VSIG10: variants seen among roughly 807,000 people sequenced by gnomAD.
VSIG10 encodes the protein V-set and immunoglobulin domain-containing protein 10.
Under a neutral mutation model 58.7 loss-of-function variants are expected in VSIG10, and 48 were observed. That is an observed-to-expected ratio of 0.82 (90% CI 0.65 to 1.04). VSIG10 has a LOEUF of 1.04. Among genes scored for constraint, VSIG10 ranks in the 50% least tolerant of loss-of-function variants. The pLI is 0.00. For synonymous variants in VSIG10, 260 were observed against 267.1 expected (o/e 0.97, Z 0.26); for missense variants, 628 against 670.0 (o/e 0.94, Z 0.69).
intron 2 of VSIG10, among the ~76,000 whole-genome samples, chr12:118,094,495 T>C (rs1015854188): frequency 6.6e-6 from 1 of 152,064 alleles, no homozygotes; most frequent in Non-Finnish European, 1.5e-5. Flanking sequence ...CCGATTCTCC[T>C]GCCTCAGCCT....
chr12:118,086,404 G>A (rs1338480353), intron 2 of VSIG10, among the ~76,000 whole-genome samples: 1 of 151,978 alleles, frequency 6.6e-6, no homozygotes, highest in Non-Finnish European at 1.5e-5. Flanking sequence ...GGAGGCAGAG[G>A]CTGCCATGAG....
chr12:118,096,407 T>C (rs1272207518), intron 1 of VSIG10, among the ~76,000 whole-genome samples: 1 of 150,748 alleles, frequency 6.6e-6, no homozygotes, highest in East Asian at 2.0e-4. Flanking sequence ...GCAAAAACCC[T>C]GTCTCTACTA....
Position 118,073,832 on chromosome 12 carries a change from G to A in VSIG10, c.1086C>T (p.Leu362=), listed in dbSNP as rs760458821. The change falls in exon 5 of 9, where the codon CTC becomes CTT. Residue 362 remains leucine, a synonymous_variant. Transcript: ENST00000359236. ...TGGAGTTCTGGCCATCCTGGGTAAT[G>A]AGATGGCGGCTGCTAGGCTGGATGA... ...EVIIQPSSRH[L]ITQDGQNSTL... is the part of the protein sequence containing the mutation. 7 of 1,613,998 alleles carry A rather than the reference G, an allele frequency of 4.3e-6. No homozygotes were observed. In the South Asian group the frequency reaches 7.7e-5, roughly 18 times the overall value.
rs187889481 is a variant in VSIG10 at position 118,066,217 on chromosome 12, G to C, written c.*422C>G. 6.6e-6 allele frequency: 1 copy of C among 152,518 alleles called. No individual in the cohort carries two copies. The highest frequency in any genetic ancestry group is 7.9e-5 in the Admixed American group (1 of 12,736). 9.4% of individuals were successfully genotyped at this position (152,518 alleles called of 1,614,324 possible). The stretch of plus-strand genomic sequence containing the variant: ...GCCAAGATCGTGCCATTGCACTCCA[G>C]CCTGGGCAATAGAGGGAGACTCCGT... On this transcript the variant is annotated 3_prime_UTR_variant, in exon 9 of 9. Coordinates refer to ENST00000359236, the MANE Select transcript of VSIG10 (RefSeq NM_019086.6).
chr12:118,081,774 TG>T (rs2032956719), intron 3 of VSIG10, among the ~76,000 whole-genome samples: 1 of 152,020 alleles, frequency 6.6e-6, no homozygotes, highest in Non-Finnish European at 1.5e-5. Context: ...CCCAGCACTA[TG>T]GGAAGCCAAG....
chr12:118,090,802 G>A (rs1387238307), intron 2 of VSIG10, among the ~76,000 whole-genome samples: 1 of 152,104 alleles, frequency 6.6e-6, no homozygotes, highest in African/African-American at 2.4e-5. Context: ...ACAGGGATGA[G>A]CCACTGTGCC....
rs1167077519 is a variant in VSIG10, at chr12:118,064,440, T to TG, written c.*2198_*2199insC. 1.3e-5 allele frequency: 2 copies of TG among 151,500 alleles called. No individual in the cohort carries two copies. Among genetic ancestry groups the TG allele is most frequent in the Non-Finnish European group, 2.9e-5 (2 of 67,884 alleles). 9.4% of individuals were successfully genotyped at this position (151,500 alleles called of 1,614,324 possible). On this transcript the variant is annotated 3_prime_UTR_variant, in exon 9 of 9. Coordinates refer to ENST00000359236, the MANE Select transcript of VSIG10 (RefSeq NM_019086.6). ...ATTCTCTGTGTTCCTAGCTAGGGTT[T>TG]TTTTTTTTTTTCACCTCAACAGTTT...
Position 118,082,386 on chromosome 12 carries a change from T to C in VSIG10, c.405A>G (p.Thr135=), listed in dbSNP as rs759277237. The part of the protein sequence containing the change: ...QIEVHIVATG[T]LPNGTLYAAR... ...CTGCGTAGAGGGTGCCGTTGGGGAGTGTGCCGGTGGCCACGATGTGGACCT... is the reference window on the plus strand; with the variant it reads ...CTGCGTAGAGGGTGCCGTTGGGGAGCGTGCCGGTGGCCACGATGTGGACCT... The change falls in exon 3 of 9, where the codon ACA becomes ACG. Residue 135 remains threonine, a synonymous_variant. Coordinates refer to ENST00000359236, the MANE Select transcript of VSIG10 (RefSeq NM_019086.6). 256 of 1,613,204 alleles carry C rather than the reference T, an allele frequency of 1.6e-4. 1 individual carries two copies. Among genetic ancestry groups the C allele is most frequent in the Middle Eastern group, 6.6e-4 (4 of 6,016 alleles).
At chr12:118,078,135 C>T (rs2032797776) in intron 4 of VSIG10, among the ~76,000 whole-genome samples, 1 of 152,122 alleles carries the variant, frequency 6.6e-6, no homozygotes, top group Admixed American at 6.6e-5. Flanking sequence ...TATTAGCTTA[C>T]TGCAAAAGTA....
intron 4 of VSIG10, among the ~76,000 whole-genome samples, chr12:118,075,028 GC>G (rs1476942240): frequency 1.3e-5 from 2 of 151,182 alleles, no homozygotes; most frequent in African/African-American, 4.8e-5. Context: ...CTCTTATTGT[GC>G]CTAATGTATA....
At chr12:118,070,862 T>TCAC in intron 7 of VSIG10, 190 bp downstream of exon 7, 2 of 658,840 alleles carry the variant, frequency 3.0e-6, no homozygotes, top group Non-Finnish European at 5.2e-6. Flanking sequence ...AATGGAGATG[T>TCAC]CACCACCACC....
chr12:118,078,956 AAAAAAAAAAAAAT>A (rs1188668312), intron 4 of VSIG10, among the ~76,000 whole-genome samples: 13 of 146,592 alleles, frequency 8.9e-5, no homozygotes, highest in Non-Finnish European at 1.5e-4. Context: ...AAAAAAAAAA[AAAAAAAAAAAAAT>A]TTTCTTTATA....
At chr12:118,103,320 C>T (rs1027442110) in intron 1 of VSIG10, 2 of 354,784 alleles carry the variant, frequency 5.6e-6, no homozygotes, top group Non-Finnish European at 1.0e-5. Flanking sequence ...ACTTTGCCCC[C>T]GCACGTCGGC....
chr12:118,077,533 A>AGG (rs2032777635), intron 4 of VSIG10, among the ~76,000 whole-genome samples: 2 of 152,142 alleles, frequency 1.3e-5, no homozygotes, highest in African/African-American at 4.8e-5. Context: ...TAATATGTAC[A>AGG]GACATTCTCT....
Position 118,071,109 on chromosome 12 carries a change from C to T in VSIG10, c.1331-42G>A, listed in dbSNP as rs139590451. The T allele has an allele frequency of 2.2e-4, 353 of 1,577,070 alleles. 1 individual carries two copies. Among genetic ancestry groups the T allele is most frequent in the African/African-American group, 2.0e-3 (149 of 74,406 alleles). ...AAAACCATTAATATCCAGTAACATC[C>T]ACTTCAACCTGACAGGTTCTTAATC... On this transcript the variant is annotated intron_variant, in intron 6 of 8. Transcript: ENST00000359236.
chr12:118,071,798 G>T (rs577554500), intron 5 of VSIG10, among the ~76,000 whole-genome samples: 3 of 152,248 alleles, frequency 2.0e-5, no homozygotes, highest in Non-Finnish European at 4.4e-5. Context: ...GAACAGAACA[G>T]AGAGTCCAGG....
intron 2 of VSIG10, among the ~76,000 whole-genome samples, chr12:118,085,876 C>T (rs2033109804): frequency 7.5e-6 from 1 of 134,088 alleles, no homozygotes; most frequent in Non-Finnish European, 1.6e-5. Context: ...AAAAGTTGGG[C>T]CCAGGCATGA....
intron 2 of VSIG10, among the ~76,000 whole-genome samples, chr12:118,084,371 G>A (rs1445658369): frequency 2.0e-5 from 3 of 152,110 alleles, no homozygotes; most frequent in East Asian, 3.9e-4. Context: ...AATTTTATTC[G>A]AAAATGACTT....
chr12:118,098,491 G>A (rs953522292), intron 1 of VSIG10, among the ~76,000 whole-genome samples: 2 of 152,132 alleles, frequency 1.3e-5, no homozygotes, highest in Non-Finnish European at 2.9e-5. Flanking sequence ...TGCCCACTCT[G>A]GACAAAGCAC....
Sources: allele counts gnomAD v4.1 joint callset (sites outside exome capture counted in the v4.1 genomes callset), GRCh38; gene constraint gnomAD v4.1.1; transcripts MANE v1.5; gene names NCBI Gene and HGNC (gene_info 2026-07-23, HGNC 2026-07-21).